The following TRPM1 variants were observed in gnomAD, a reference collection of about 807,000 sequenced individuals.
TRPM1 encodes transient receptor potential cation channel subfamily M member 1.
Under a neutral mutation model 149.4 loss-of-function variants are expected in TRPM1, and 113 were observed. The ratio of observed to expected loss-of-function variants is 0.76; its 90% CI spans 0.65 to 0.88. TRPM1 has a LOEUF of 0.88. Ranked by LOEUF, TRPM1 falls within the 40% of genes least tolerant of loss-of-function variation. The pLI is 0.00. For synonymous variants in TRPM1, 741 were observed against 759.5 expected, an observed-to-expected ratio of 0.98 and a Z score of 0.40; for missense variants, 1,976 against 2,038.7, an observed-to-expected ratio of 0.97 and a Z score of 0.59.
intron 1 of TRPM1, among the ~76,000 whole-genome samples, chr15:31,146,491 G>C (rs1194254493): frequency 6.6e-6 from 1 of 152,194 alleles, no homozygotes; most frequent in African/African-American, 2.4e-5. Flanking sequence ...AAACTAAGTT[G>C]TTACCTGGCC....
intron 7 of TRPM1, among the ~76,000 whole-genome samples, chr15:31,064,004 G>T (rs1305613944): frequency 6.6e-6 from 1 of 152,172 alleles, no homozygotes; most frequent in Non-Finnish European, 1.5e-5. Flanking sequence ...ATAAGATGAT[G>T]AAAGGGGATC....
intron 20 of TRPM1, among the ~76,000 whole-genome samples, chr15:31,036,294 A>G (rs2033367800): frequency 6.6e-6 from 1 of 152,170 alleles, no homozygotes; most frequent in Non-Finnish European, 1.5e-5. Flanking sequence ...GGACGTCTGA[A>G]GTAGATCACC....
intron 1 of TRPM1, among the ~76,000 whole-genome samples, chr15:31,129,273 G>A (rs2035988657): frequency 6.6e-6 from 1 of 152,228 alleles, no homozygotes. Context: ...AAGTACTGAT[G>A]GTGCCAGTGC....
intron 1 of TRPM1, among the ~76,000 whole-genome samples, chr15:31,098,429 C>T (rs2035440690): frequency 6.6e-6 from 1 of 152,134 alleles, no homozygotes; most frequent in Non-Finnish European, 1.5e-5. Flanking sequence ...GACTCTGTCA[C>T]ACACACACAA....
At chr15:31,042,855 A>G in intron 16 of TRPM1, among the ~76,000 whole-genome samples, 1 of 152,248 alleles carries the variant, frequency 6.6e-6, no homozygotes, top group Non-Finnish European at 1.5e-5. Context: ...TGAATGGATC[A>G]GGATTCATAA....
intron 13 of TRPM1, 133 bp from the exon 14 acceptor site, chr15:31,048,072 G>A: frequency 1.3e-6 from 1 of 776,314 alleles, no homozygotes. Context: ...AGGCCAGCCT[G>A]GCCAACATGG....
At chr15:31,069,817 G>A in intron 4 of TRPM1, 1 of 1,502,106 alleles carries the variant, frequency 6.7e-7, no homozygotes. Flanking sequence ...TGGATTTACG[G>A]GACACTAGAT....
intron 17 of TRPM1, among the ~76,000 whole-genome samples, chr15:31,041,159 CT>C (rs35680162): frequency 0.12 from 18,234 of 146,414 alleles, 1,180 homozygotes; most frequent in Admixed American, 0.16. Context: ...GTTCCTTCAA[CT>C]TTTTTTTTTT....
At chr15:31,065,648 C>T (rs372716408) in intron 7 of TRPM1, among the ~76,000 whole-genome samples, 70 of 152,284 alleles carry the variant, frequency 4.6e-4, no homozygotes, top group African/African-American at 1.6e-3. Flanking sequence ...ACCTGGCCAT[C>T]TTAGTCTACA....
chr15:31,126,124 T>A (rs1483443067), intron 1 of TRPM1, among the ~76,000 whole-genome samples: 1 of 152,066 alleles, frequency 6.6e-6, no homozygotes, highest in East Asian at 1.9e-4. Flanking sequence ...AGAGTGGAAC[T>A]TCGTCTCAAA....
chr15:31,106,091 C>A (rs1173710961), upstream of TRPM1, among the ~76,000 whole-genome samples: 1 of 151,900 alleles, frequency 6.6e-6, no homozygotes, highest in East Asian at 1.9e-4. Context: ...GCTGTGGCAT[C>A]TGTCTTTCTC....
chr15:31,007,305 A>G (rs778418462), intron 27 of TRPM1, among the ~76,000 whole-genome samples: 18 of 152,042 alleles, frequency 1.2e-4, no homozygotes, highest in Non-Finnish European at 2.4e-4. Context: ...AATTATCTCT[A>G]TTTGGGTAGA....
At chr15:31,157,709 T>C (rs1179328283) in intron 1 of TRPM1, among the ~76,000 whole-genome samples, 1 of 152,116 alleles carries the variant, frequency 6.6e-6, no homozygotes, top group Admixed American at 6.5e-5. Flanking sequence ...AGGGATTTGC[T>C]CACTGCCTCA....
rs964398951 is a variant in TRPM1, at chr15:31,089,241, C to T, written c.-83-7803G>A. ...CTCTGACCATGTGGCCAGCGTGTCC[C>T]CCACTGGGTGGGTTTCTGAGGGTTG... On this transcript the variant is annotated intron_variant, in intron 1 of 27. Transcript: ENST00000256552. Among the ~76,000 whole-genome samples, 24 of 152,248 alleles carry T rather than the reference C, an allele frequency of 1.6e-4. No homozygotes were observed. The East Asian group carries it at 4.2e-3, about 27-fold the overall frequency.
At chr15:31,012,446 C>A (rs896067364) in intron 27 of TRPM1, among the ~76,000 whole-genome samples, 6 of 152,204 alleles carry the variant, frequency 3.9e-5, no homozygotes, top group African/African-American at 1.2e-4. Flanking sequence ...CCAAGGTCTT[C>A]TGGTCTTCCT....
intron 1 of TRPM1, among the ~76,000 whole-genome samples, chr15:31,125,516 G>A (rs2035936331): frequency 6.6e-6 from 1 of 150,682 alleles, no homozygotes; most frequent in African/African-American, 2.4e-5. Flanking sequence ...GGATCACGAG[G>A]TCAGGAGATC....
chr15:31,096,393 T>A (rs1292085157), intron 1 of TRPM1, among the ~76,000 whole-genome samples: 2 of 152,190 alleles, frequency 1.3e-5, no homozygotes, highest in African/African-American at 2.4e-5. Context: ...AGAAGCAGAA[T>A]CTTGTAGCTT....
At chr15:31,025,439 A>C (rs1440467227) in intron 27 of TRPM1, among the ~76,000 whole-genome samples, 1 of 152,168 alleles carries the variant, frequency 6.6e-6, no homozygotes, top group Non-Finnish European at 1.5e-5. Context: ...AAATGTCACC[A>C]TTTCTGTACC....
chr15:31,081,455 G>T lies in TRPM1; in HGVS notation c.-83-17C>A. On this transcript the variant is annotated splice_polypyrimidine_tract_variant and intron_variant, in intron 1 of 27. Coordinates refer to ENST00000256552, the MANE Select transcript of TRPM1 (RefSeq NM_001252024.2). ...TTCTAGAACCTACGAGGATAAACAAGAGGAGTAAGAGTCACTTTGCCTGCA... is the reference window on the plus strand; with the variant it reads ...TTCTAGAACCTACGAGGATAAACAATAGGAGTAAGAGTCACTTTGCCTGCA... 1 of 1,489,004 alleles carries T rather than the reference G, an allele frequency of 6.7e-7. No homozygotes were observed. Among genetic ancestry groups the T allele is most frequent in the Non-Finnish European group, 9.0e-7 (1 of 1,108,996 alleles). 92.2% of individuals were successfully genotyped at this position (1,489,004 alleles called of 1,614,324 possible). A position where few individuals can be genotyped will look rare whatever the true frequency, so the allele number is the denominator to read the frequency against.
Sources: allele counts gnomAD v4.1 joint callset (sites outside exome capture counted in the v4.1 genomes callset), GRCh38; gene constraint gnomAD v4.1.1; transcripts MANE v1.5; gene names NCBI Gene and HGNC (gene_info 2026-07-23, HGNC 2026-07-21).